SRGAP2: variants seen among roughly 807,000 people sequenced by gnomAD.
SRGAP2 encodes the protein SLIT-ROBO Rho GTPase activating protein 2.
In SRGAP2, 15 loss-of-function variants were observed where a neutral mutation model predicts 57.2. That is an observed-to-expected ratio of 0.26 (90% CI 0.18 to 0.40). The LOEUF (loss-of-function observed/expected upper bound fraction) is 0.40, where lower values mean the gene tolerates loss of function less well. Ranked by LOEUF, SRGAP2 falls within the 10% of genes least tolerant of loss-of-function variation. SRGAP2 has a pLI of 1.00. For synonymous variants in SRGAP2, 249 were observed against 248.0 expected (o/e 1.00, Z -0.04); for missense variants, 520 against 669.6 (o/e 0.78, Z 2.47).
At chr1:206,373,089 CTTTTTTTTTCTTTT>C (rs1448021859) in intron 4 of SRGAP2, among the ~76,000 whole-genome samples, 1 of 105,378 alleles carries the variant, frequency 9.5e-6, no homozygotes, top group African/African-American at 3.7e-5. Flanking sequence ...TCTTTCTGTC[CTTTTTTTTTCTTTT>C]TTTTTTTTTT....
intron 2 of SRGAP2, among the ~76,000 whole-genome samples, chr1:206,240,819 C>T (rs1668176519): frequency 6.6e-6 from 1 of 152,086 alleles, no homozygotes. Flanking sequence ...TATGCTTTTC[C>T]CATAGGGCTG....
chr1:206,431,833 AGAGTTGTGAGG>A (rs1264802014), intron 14 of SRGAP2, among the ~76,000 whole-genome samples: 1 of 152,258 alleles, frequency 6.6e-6, no homozygotes, highest in Non-Finnish European at 1.5e-5. Flanking sequence ...ACATTAGGGC[AGAGTTGTGAGG>A]GAGTAAGCCT....
In SRGAP2 at chr1:206,462,342, GT is replaced by G. The variant is rs1227118063; in HGVS notation, c.*926del. On this transcript the variant is annotated 3_prime_UTR_variant, in exon 23 of 23. Coordinates refer to ENST00000573034, the MANE Select transcript of SRGAP2 (RefSeq NM_015326.5). The stretch of plus-strand genomic sequence containing the variant: ...TTAAGACATTTTCCTGTATAAGACA[GT>G]TTTATAGCTGGTTCCTTTTAGGGTA... The G allele has an allele frequency of 1.3e-5, 2 of 152,620 alleles. No homozygotes were observed. Among genetic ancestry groups the G allele is most frequent in the Non-Finnish European group, 2.9e-5 (2 of 68,034 alleles). The allele number at this position is 152,620 out of a possible 1,614,324, so 9.5% of individuals were successfully genotyped here. A position where few individuals can be genotyped will look rare whatever the true frequency, so the allele number is the denominator to read the frequency against.
At chr1:206,383,033 CT>C (rs1454334961) in intron 4 of SRGAP2, among the ~76,000 whole-genome samples, 3 of 143,918 alleles carry the variant, frequency 2.1e-5, no homozygotes, top group Non-Finnish European at 3.0e-5. Context: ...CTTTTCTTTT[CT>C]TTTTTTTGAG....
At chr1:206,428,059 A>G (rs974498120) in intron 13 of SRGAP2, among the ~76,000 whole-genome samples, 4 of 152,142 alleles carry the variant, frequency 2.6e-5, no homozygotes, top group Non-Finnish European at 5.9e-5. Flanking sequence ...CTATGATCGC[A>G]CCACTGCACT....
intron 2 of SRGAP2, among the ~76,000 whole-genome samples, chr1:206,237,897 T>C (rs1445447141): frequency 9.7e-6 from 1 of 102,966 alleles, no homozygotes; most frequent in Admixed American, 1.1e-4. Flanking sequence ...CCTCTACTGA[T>C]TGCTATGGGA....
In SRGAP2 at chr1:206,326,820, A is replaced by G. The variant is rs192673711; in HGVS notation, c.261-16026A>G. On this transcript the variant is annotated intron_variant, in intron 3 of 22. Coordinates refer to ENST00000573034, the MANE Select transcript of SRGAP2 (RefSeq NM_015326.5). ...CAGCTGCATTAGGCACAGAAGATTCACTGAGTTTGGGAATTTCCAGAGAAT... is the reference window on the plus strand; with the variant it reads ...CAGCTGCATTAGGCACAGAAGATTCGCTGAGTTTGGGAATTTCCAGAGAAT... Among the ~76,000 whole-genome samples, 511 of 152,302 alleles carry G rather than the reference A, an allele frequency of 3.4e-3. 1 individual carries two copies. Among genetic ancestry groups the G allele is most frequent in the African/African-American group, 0.011 (470 of 41,572 alleles).
At chr1:206,347,908 C>A (rs1353551099) in intron 4 of SRGAP2, among the ~76,000 whole-genome samples, 4 of 151,880 alleles carry the variant, frequency 2.6e-5, no homozygotes, top group Non-Finnish European at 5.9e-5. Flanking sequence ...TGTTTATACT[C>A]CCCAGGGGCA....
intron 10 of SRGAP2, among the ~76,000 whole-genome samples, chr1:206,411,739 G>T (rs1414151848): frequency 6.6e-6 from 1 of 152,228 alleles, no homozygotes; most frequent in Admixed American, 6.5e-5. Flanking sequence ...TGGTAAGAGT[G>T]TATTTAAAGG....
chr1:206,234,852 C>T (rs1299992609), intron 2 of SRGAP2, among the ~76,000 whole-genome samples: 3 of 151,774 alleles, frequency 2.0e-5, no homozygotes, highest in Non-Finnish European at 2.9e-5. Context: ...AGGTTTTATT[C>T]GTTTTCGTGC....
chr1:206,427,204 G>A (rs930165552), intron 13 of SRGAP2, among the ~76,000 whole-genome samples: 4 of 152,106 alleles, frequency 2.6e-5, no homozygotes, highest in African/African-American at 9.7e-5. Flanking sequence ...AATGAGAAAT[G>A]TAATAACAGA....
chr1:206,397,542 G>GACT (rs1220409745), intron 7 of SRGAP2, among the ~76,000 whole-genome samples: 2 of 148,660 alleles, frequency 1.3e-5, no homozygotes, highest in Non-Finnish European at 3.0e-5. Context: ...ATTGACCAAG[G>GACT]ACTAGCCTCC....
At chr1:206,311,296 T>C (rs1553324079) in intron 3 of SRGAP2, among the ~76,000 whole-genome samples, 1 of 151,958 alleles carries the variant, frequency 6.6e-6, no homozygotes, top group African/African-American at 2.4e-5. Context: ...AAAGGACAAG[T>C]GTAGGAAAGA....
chr1:206,384,979 C>G (rs1230154078), intron 5 of SRGAP2, among the ~76,000 whole-genome samples: 24 of 147,356 alleles, frequency 1.6e-4, no homozygotes, highest in Admixed American at 6.1e-4. Flanking sequence ...TGCTTATTTG[C>G]TGCATTTTTT....
chr1:206,383,545 A>G (rs1655909458), intron 4 of SRGAP2, among the ~76,000 whole-genome samples: 2 of 152,138 alleles, frequency 1.3e-5, no homozygotes, highest in South Asian at 2.1e-4. Context: ...ATATAGTTCC[A>G]TCCTGCTTGG....
intron 2 of SRGAP2, among the ~76,000 whole-genome samples, chr1:206,267,751 ATATAT>A (rs1669950306): frequency 6.7e-6 from 1 of 148,370 alleles, no homozygotes; most frequent in Admixed American, 6.7e-5. Flanking sequence ...TAAAAACAAG[ATATAT>A]TATTTTGGCA....
chr1:206,437,275 G>A (rs1207340975), intron 15 of SRGAP2, among the ~76,000 whole-genome samples: 2 of 152,102 alleles, frequency 1.3e-5, no homozygotes, highest in African/African-American at 4.8e-5. Flanking sequence ...CTTTCACGCC[G>A]ATGATCTGCC....
Position 206,230,550 on chromosome 1 carries a change from C to T in SRGAP2, c.67+24513C>T, listed in dbSNP as rs558590632. Among the ~76,000 whole-genome samples the T allele has an allele frequency of 3.6e-3, 544 of 151,396 alleles. 2 individuals are homozygous for T. The highest frequency in any genetic ancestry group is 5.1e-3 in the Non-Finnish European group (349 of 67,904). On this transcript the variant is annotated intron_variant, in intron 2 of 22. Transcript: ENST00000573034. ...CTCAACACATGATTATGTATGCCTACTATGTACCAGGCTCTGGTCTGGTGC... is the reference window on the plus strand; with the variant it reads ...CTCAACACATGATTATGTATGCCTATTATGTACCAGGCTCTGGTCTGGTGC...
chr1:206,333,733 A>G (rs1674560240), intron 3 of SRGAP2, among the ~76,000 whole-genome samples: 1 of 152,232 alleles, frequency 6.6e-6, no homozygotes, highest in Admixed American at 6.5e-5. Context: ...TTTGAGACCC[A>G]GAATGCATTT....
Sources: gnomAD v4.1 joint callset for allele counts (sites outside exome capture counted in the v4.1 genomes callset) on GRCh38, gnomAD v4.1.1 for gene constraint, MANE v1.5 for transcripts, NCBI Gene and HGNC (gene_info 2026-07-23, HGNC 2026-07-21) for gene names.